Variants in CUX1 observed in about 807,000 individuals in gnomAD.
CUX1 encodes protein CASP.
A neutral mutation model predicts 158.8 loss-of-function variants in CUX1; 31 were observed. That is an observed-to-expected ratio of 0.20 (90% CI 0.15 to 0.26). The LOEUF (loss-of-function observed/expected upper bound fraction) is 0.26, where lower values mean the gene tolerates loss of function less well. Among genes scored for constraint, CUX1 ranks in the 10% least tolerant of loss-of-function variants. CUX1 has a pLI of 1.00. For missense variants in CUX1, 1,589 were observed against 2,014.6 expected (o/e 0.79, Z 4.04); for synonymous variants, 879 against 862.1 (o/e 1.02, Z -0.34).
chr7:101,866,310 AC>A (rs997411627), intron 1 of CUX1, among the ~76,000 whole-genome samples: 11 of 151,360 alleles, frequency 7.3e-5, no homozygotes, highest in African/African-American at 1.9e-4. Flanking sequence ...TAAAAAAAAA[AC>A]AAAACAAAAA....
intron 3 of CUX1, among the ~76,000 whole-genome samples, chr7:102,053,791 T>C (rs1691517507): frequency 6.6e-6 from 1 of 151,212 alleles, no homozygotes; most frequent in South Asian, 2.1e-4. Context: ...ATTCTGTGGG[T>C]TGTCTTCTCA....
At chr7:102,264,259 G>A (rs1554544648) in intron 14 of CUX1, among the ~76,000 whole-genome samples, 2 of 152,106 alleles carry the variant, frequency 1.3e-5, no homozygotes, top group Non-Finnish European at 2.9e-5. Context: ...ACCCGCCTCG[G>A]CCTCCCAAAG....
At chr7:102,235,465 C>T (rs1554532332) in intron 22 of CUX1, among the ~76,000 whole-genome samples, 1 of 152,126 alleles carries the variant, frequency 6.6e-6, no homozygotes, top group African/African-American at 2.4e-5. Flanking sequence ...CTTTGGGAGT[C>T]CGAGGCAGGT....
At chr7:101,976,776 A>G (rs1041875702) in intron 2 of CUX1, among the ~76,000 whole-genome samples, 3 of 152,094 alleles carry the variant, frequency 2.0e-5, no homozygotes. Context: ...TCTTTGAACA[A>G]TTGTCCTGCT....
chr7:102,107,557 TAAAAG>T (rs1360905993), intron 6 of CUX1, among the ~76,000 whole-genome samples: 4 of 152,140 alleles, frequency 2.6e-5, no homozygotes, highest in Admixed American at 6.5e-5. Context: ...AAAAAATAAA[TAAAAG>T]AAAAGAGAAC....
intron 1 of CUX1, among the ~76,000 whole-genome samples, chr7:101,863,444 G>A (rs1401765425): frequency 1.3e-5 from 2 of 150,702 alleles, no homozygotes; most frequent in Non-Finnish European, 2.9e-5. Context: ...TCTGCCTCTT[G>A]AGTTAAAGCG....
intron 1 of CUX1, among the ~76,000 whole-genome samples, chr7:101,914,453 TCCC>T (rs1803930011): frequency 4.4e-5 from 6 of 137,300 alleles, no homozygotes; most frequent in African/African-American, 1.6e-4. Flanking sequence ...CCTCCGTCCT[TCCC>T]TCCTTCCTTC....
intron 12 of CUX1, among the ~76,000 whole-genome samples, chr7:102,190,801 G>A (rs1108056): frequency 0.36 from 54,943 of 151,644 alleles, 10,264 homozygotes; most frequent in Middle Eastern, 0.48. Context: ...ACAGACTCCC[G>A]CCTCTGGTCT....
chr7:101,932,318 T>TG (rs1443442467), intron 2 of CUX1: 1 of 215,736 alleles, frequency 4.6e-6, no homozygotes, highest in African/African-American at 2.3e-5. Context: ...CCTATTTCCC[T>TG]GGGGTCAGGT....
chr7:102,160,087 A>C (rs1790268693), intron 9 of CUX1, among the ~76,000 whole-genome samples: 1 of 152,132 alleles, frequency 6.6e-6, no homozygotes, highest in Non-Finnish European at 1.5e-5. Flanking sequence ...AGGCTGAGGC[A>C]GGAGAATCAC....
chr7:101,905,676 T>C (rs552520702), intron 1 of CUX1, among the ~76,000 whole-genome samples: 1 of 152,316 alleles, frequency 6.6e-6, no homozygotes, highest in Non-Finnish European at 1.5e-5. Flanking sequence ...CCGTGAGATC[T>C]GGCCAAGAGG....
intron 1 of CUX1, among the ~76,000 whole-genome samples, chr7:101,893,510 G>A (rs755864099): frequency 2.0e-5 from 3 of 152,140 alleles, no homozygotes; most frequent in Non-Finnish European, 4.4e-5. Flanking sequence ...TTTGGGGCAC[G>A]GAGGGTCACC....
intron 2 of CUX1, among the ~76,000 whole-genome samples, chr7:101,948,849 T>C (rs1325313231): frequency 1.3e-5 from 2 of 152,196 alleles, no homozygotes; most frequent in Non-Finnish European, 2.9e-5. Flanking sequence ...TTTGTTCTCT[T>C]TTCAGCAGAG....
Position 102,254,422 on chromosome 7 carries a change from G to A in CUX1, c.*5380G>A. The A allele has an allele frequency of 1.0e-6, 1 of 985,454 alleles. No individual in the cohort carries two copies. Among genetic ancestry groups the A allele is most frequent in the Non-Finnish European group, 1.2e-6 (1 of 829,980 alleles). The allele number at this position is 985,454 out of a possible 1,614,324, so 61.0% of individuals were successfully genotyped here. A position where few individuals can be genotyped will look rare whatever the true frequency, so the allele number is the denominator to read the frequency against. ...AACATCTCAAAGACGGAAAAGGATAGATGGCTTCCTCCAGCCTACACGCCC... is the reference window on the plus strand; with the variant it reads ...AACATCTCAAAGACGGAAAAGGATAAATGGCTTCCTCCAGCCTACACGCCC... On this transcript the variant is annotated 3_prime_UTR_variant, in exon 24 of 24. Coordinates refer to ENST00000292535, the MANE Select transcript of CUX1 (RefSeq NM_181552.4).
intron 22 of CUX1, among the ~76,000 whole-genome samples, chr7:102,237,981 T>C (rs929577073): frequency 6.6e-6 from 1 of 152,102 alleles, no homozygotes; most frequent in African/African-American, 2.4e-5. Flanking sequence ...ACACCATTAT[T>C]AGAGACTTTT....
Position 102,201,053 on chromosome 7 carries a change from AAT to A in CUX1, c.2063-306_2063-305del. On this transcript the variant is annotated intron_variant, in intron 17 of 23. Coordinates refer to ENST00000292535, the MANE Select transcript of CUX1 (RefSeq NM_181552.4). This position sits in a 1 kb window ranked among gnomAD's most constrained non-coding sequence, Gnocchi z 5.0. Reference sequence around the variant, plus strand: ...AAAAAAAAAAAAAAAAAAAAAAAAAAATTCTCGGGGAAAGGAGCCCCAGGAGG... The same window carrying A: ...AAAAAAAAAAAAAAAAAAAAAAAAAATCTCGGGGAAAGGAGCCCCAGGAGG... 6.6e-6 allele frequency among the ~76,000 whole-genome samples: 1 copy of A among 150,502 alleles called. No homozygotes were observed. Among genetic ancestry groups the A allele is most frequent in the Admixed American group, 6.6e-5 (1 of 15,076 alleles).
intron 11 of CUX1, among the ~76,000 whole-genome samples, chr7:102,188,204 T>TG (rs1554515843): frequency 6.8e-6 from 1 of 147,242 alleles, no homozygotes; most frequent in African/African-American, 2.5e-5. Context: ...GTCTCTTTTT[T>TG]AAAAAAAAAA....
rs186380524 is a variant in CUX1, at chr7:102,281,706, G to A, written c.1822-134G>A. On this transcript the variant is annotated intron_variant, in intron 20 of 22. Transcript: ENST00000292538. Reference sequence around the variant, plus strand: ...GCAGCCCATGTCCCTGGCCCATAATGATGGAATAGGGGCCCCAGCTTCCTG... The same window carrying A: ...GCAGCCCATGTCCCTGGCCCATAATAATGGAATAGGGGCCCCAGCTTCCTG... 11 of 661,388 alleles carry A rather than the reference G, an allele frequency of 1.7e-5. No individual in the cohort carries two copies. The African/African-American group carries it at 1.8e-4, about 11-fold the overall frequency. The allele number at this position is 661,388 out of a possible 1,614,324, so 41.0% of individuals were successfully genotyped here.
intron 1 of CUX1, among the ~76,000 whole-genome samples, chr7:101,888,092 G>A (rs997586869): frequency 6.6e-6 from 1 of 152,170 alleles, no homozygotes; most frequent in African/African-American, 2.4e-5. Flanking sequence ...TCAGCACTTT[G>A]TGAGGCTGAG....
Sources: gnomAD v4.1 joint callset for allele counts (sites outside exome capture counted in the v4.1 genomes callset) on GRCh38, gnomAD v4.1.1 for gene constraint, Gnocchi (gnomAD v3.1) non-coding constraint, MANE v1.5 for transcripts, NCBI Gene and HGNC (gene_info 2026-07-23, HGNC 2026-07-21) for gene names.